DACH1: variants seen among roughly 807,000 people sequenced by gnomAD.
DACH1 encodes the protein dachshund homolog 1.
In DACH1, 12 loss-of-function variants were observed where a neutral mutation model predicts 54.2. The ratio of observed to expected loss-of-function variants is 0.22; its 90% CI spans 0.14 to 0.36. The LOEUF (loss-of-function observed/expected upper bound fraction) is 0.36, where lower values mean the gene tolerates loss of function less well. DACH1 is among the 10% of genes least tolerant of loss of function. DACH1 has a pLI of 1.00. For synonymous variants in DACH1, 386 were observed against 366.2 expected (o/e 1.05, Z -0.62); for missense variants, 805 against 929.8 (o/e 0.87, Z 1.75).
chr13:71,445,045 T>C (rs1874326661), intron 10 of DACH1, among the ~76,000 whole-genome samples: 1 of 152,122 alleles, frequency 6.6e-6, no homozygotes, highest in Non-Finnish European at 1.5e-5. Flanking sequence ...CTTATCTCAC[T>C]TTGAAGTCAT....
chr13:71,621,765 C>T (rs895192428), intron 3 of DACH1, among the ~76,000 whole-genome samples: 6 of 151,964 alleles, frequency 3.9e-5, no homozygotes, highest in Non-Finnish European at 5.9e-5. Context: ...ACTGCTGCAG[C>T]GATATTAACT....
At chr13:71,851,292 AT>A (rs1873643413) in intron 1 of DACH1, among the ~76,000 whole-genome samples, 8 of 152,184 alleles carry the variant, frequency 5.3e-5, no homozygotes, top group Admixed American at 1.3e-4. Context: ...ATAATTACCT[AT>A]TTACTGCTAC....
intron 1 of DACH1, among the ~76,000 whole-genome samples, chr13:71,716,368 A>G (rs1225235502): frequency 6.6e-6 from 1 of 152,142 alleles, no homozygotes; most frequent in Non-Finnish European, 1.5e-5. Context: ...ATTTCTTATC[A>G]TAGCATACAA....
At chr13:71,673,636 G>A (rs1880353133) in intron 2 of DACH1, among the ~76,000 whole-genome samples, 1 of 152,114 alleles carries the variant, frequency 6.6e-6, no homozygotes, top group African/African-American at 2.4e-5. Context: ...GGGAGAGAAT[G>A]CATTAGGAGA....
intron 2 of DACH1, among the ~76,000 whole-genome samples, chr13:71,658,180 CTG>C (rs1263431855): frequency 6.6e-6 from 1 of 152,066 alleles, no homozygotes; most frequent in Admixed American, 6.6e-5. Flanking sequence ...GGTAATAAAA[CTG>C]AATTATATAA....
intron 3 of DACH1, among the ~76,000 whole-genome samples, chr13:71,602,395 T>G (rs1035662421): frequency 6.6e-6 from 1 of 152,028 alleles, no homozygotes; most frequent in South Asian, 2.1e-4. Flanking sequence ...TGCCTCCTTT[T>G]TTTCTTAATA....
At chr13:71,708,535 A>G (rs1171069857) in intron 1 of DACH1, among the ~76,000 whole-genome samples, 1 of 152,166 alleles carries the variant, frequency 6.6e-6, no homozygotes, top group African/African-American at 2.4e-5. Flanking sequence ...TGTTTCCCAT[A>G]TCAAACTGCT....
In DACH1 at chr13:71,496,638, C is replaced by T. The variant is rs188145973; in HGVS notation, c.1571-7490G>A. Among the ~76,000 whole-genome samples the T allele has an allele frequency of 5.6e-3, 842 of 151,672 alleles. 10 individuals carry two copies. The highest frequency in any genetic ancestry group is 8.7e-3 in the Non-Finnish European group (592 of 67,898). ...GTAGGCTTTTCAGGTAATGGATATC[C>T]AAAACCCTGACTTCACCACTATGCA... On this transcript the variant is annotated intron_variant, in intron 6 of 10. Transcript: ENST00000613252.
At chr13:71,664,544 T>C (rs576204672) in intron 2 of DACH1, among the ~76,000 whole-genome samples, 9 of 152,130 alleles carry the variant, frequency 5.9e-5, no homozygotes, top group African/African-American at 2.2e-4. Context: ...GGGGGAATGA[T>C]ACTAATGACA....
chr13:71,533,096 TA>T (rs1017451583), intron 6 of DACH1, among the ~76,000 whole-genome samples: 62 of 146,178 alleles, frequency 4.2e-4, no homozygotes, highest in Admixed American at 1.0e-3. Context: ...TTTTAAGACT[TA>T]AAAAAAAAAC....
At chr13:71,527,353 T>C (rs996385332) in intron 6 of DACH1, among the ~76,000 whole-genome samples, 3 of 152,182 alleles carry the variant, frequency 2.0e-5, no homozygotes, top group African/African-American at 7.2e-5. Context: ...GCATATCTTA[T>C]AGTTACAAAT....
chr13:71,706,802 G>C (rs1219927874), intron 1 of DACH1, among the ~76,000 whole-genome samples: 2 of 152,024 alleles, frequency 1.3e-5, no homozygotes, highest in African/African-American at 4.8e-5. Context: ...AGTTAATACT[G>C]TATGTCCTAG....
chr13:71,759,140 T>G (rs1885293683), intron 1 of DACH1, among the ~76,000 whole-genome samples: 2 of 151,988 alleles, frequency 1.3e-5, no homozygotes, highest in Non-Finnish European at 2.9e-5. Context: ...TACTTGAGAG[T>G]CTGACAGTTC....
intron 1 of DACH1, among the ~76,000 whole-genome samples, chr13:71,811,383 T>C (rs1006800245): frequency 1.4e-4 from 22 of 152,300 alleles, no homozygotes; most frequent in Admixed American, 1.2e-3. Context: ...TAGATTTTCA[T>C]GAAATAAAAT....
At chr13:71,839,891 T>C (rs1481777314) in intron 1 of DACH1, among the ~76,000 whole-genome samples, 1 of 152,154 alleles carries the variant, frequency 6.6e-6, no homozygotes, top group Non-Finnish European at 1.5e-5. Flanking sequence ...TCCATTTTAG[T>C]TTACTTTTTC....
intron 1 of DACH1, among the ~76,000 whole-genome samples, chr13:71,722,369 C>T (rs186811131): frequency 1.3e-3 from 194 of 152,210 alleles, no homozygotes; most frequent in African/African-American, 3.7e-3. Flanking sequence ...CTAATGACTA[C>T]GAGGTGGAAT....
At chr13:71,703,833 G>A (rs987079251) in intron 1 of DACH1, among the ~76,000 whole-genome samples, 12 of 152,176 alleles carry the variant, frequency 7.9e-5, no homozygotes, top group Non-Finnish European at 1.6e-4. Context: ...CCAGCTATGT[G>A]AAGTCTACAT....
intron 10 of DACH1, among the ~76,000 whole-genome samples, chr13:71,466,910 T>TTTCTC (rs1257404585): frequency 1.3e-5 from 2 of 149,750 alleles, no homozygotes; most frequent in Non-Finnish European, 3.0e-5. Context: ...ATGCCTAAAT[T>TTTCTC]TTCTCTGTCT....
intron 4 of DACH1, among the ~76,000 whole-genome samples, chr13:71,561,343 T>C (rs1884570153): frequency 6.6e-6 from 1 of 152,212 alleles, no homozygotes. Flanking sequence ...ACTGAGTCTT[T>C]GCAGACATAA....
Sources: gnomAD v4.1 joint callset for allele counts (sites outside exome capture counted in the v4.1 genomes callset) on GRCh38, gnomAD v4.1.1 for gene constraint, MANE v1.5 for transcripts, NCBI Gene and HGNC (gene_info 2026-07-23, HGNC 2026-07-21) for gene names.